The following SCGB2B2 variants were observed in gnomAD, a reference collection of about 807,000 sequenced individuals.
SCGB2B2 encodes the protein secretoglobin-like protein.
SCGB2B2 carries 11 observed loss-of-function variants against 7.6 expected under a neutral mutation model. That is an observed-to-expected ratio of 1.45 (90% CI 0.91 to 2.40). The LOEUF (loss-of-function observed/expected upper bound fraction) is 2.40, where lower values mean the gene tolerates loss of function less well. SCGB2B2 is among the 30% of genes most tolerant of loss of function. The pLI, the probability that SCGB2B2 is intolerant of heterozygous loss-of-function variation, is 0.00. For synonymous variants in SCGB2B2, 50 were observed against 48.6 expected, an observed-to-expected ratio of 1.03 and a Z score of -0.12; for missense variants, 104 against 115.4, an observed-to-expected ratio of 0.90 and a Z score of 0.45.
chr19:34,604,281 G>C (rs781019361), intron 1 of SCGB2B2, among the ~76,000 whole-genome samples: 1 of 152,182 alleles, frequency 6.6e-6, no homozygotes, highest in Non-Finnish European at 1.5e-5. Flanking sequence ...GGAGTTAATT[G>C]CTTCAATAGG....
intron 1 of SCGB2B2, among the ~76,000 whole-genome samples, chr19:34,653,199 G>C (rs1166108407): frequency 2.0e-5 from 3 of 151,184 alleles, no homozygotes; most frequent in Non-Finnish European, 4.4e-5. Flanking sequence ...ACTTGAGGCA[G>C]GAAGTAGTTG....
chr19:34,594,079 A>T (rs372706476), intron 3 of SCGB2B2, 96 bp downstream of exon 3: 1 of 1,036,824 alleles, frequency 9.6e-7, no homozygotes, highest in Non-Finnish European at 1.4e-6. Context: ...CTTCCTGCTT[A>T]AAACGTGGAA....
At chr19:34,665,170 C>T (rs2067580632) in intron 1 of SCGB2B2, among the ~76,000 whole-genome samples, 1 of 152,196 alleles carries the variant, frequency 6.6e-6, no homozygotes, top group South Asian at 2.1e-4. Flanking sequence ...GCCTTGCGTC[C>T]CTCCTGTGCC....
Position 34,676,623 on chromosome 19 carries a change from T to G in SCGB2B2, c.-3025A>C, listed in dbSNP as rs1047586050. On this transcript the variant is annotated 5_prime_UTR_variant, in exon 1 of 4. Transcript: ENST00000601241. ...TTTGCACTGTGCTCTCCCATGGATT[T>G]TTTCTTGCGTGAGCTCTAAGAACTC... 1 of 152,114 alleles carries G rather than the reference T, an allele frequency of 6.6e-6. No individual in the cohort carries two copies. The highest frequency in any genetic ancestry group is 1.5e-5 in the Non-Finnish European group (1 of 68,036). 9.4% of individuals were successfully genotyped at this position (152,114 alleles called of 1,614,324 possible).
intron 1 of SCGB2B2, among the ~76,000 whole-genome samples, chr19:34,618,276 C>A (rs1355112837): frequency 6.6e-6 from 1 of 152,198 alleles, no homozygotes; most frequent in Non-Finnish European, 1.5e-5. Flanking sequence ...AGAAATCTAT[C>A]CAATCTTAAC....
intron 1 of SCGB2B2, chr19:34,640,539 T>C (rs920761780): frequency 6.6e-6 from 1 of 152,250 alleles, no homozygotes; most frequent in African/African-American, 2.4e-5. Flanking sequence ...TTTCTTTAGA[T>C]ACTTTTATCA....
chr19:34,662,400 T>C (rs1260600570), intron 1 of SCGB2B2, among the ~76,000 whole-genome samples: 1 of 151,958 alleles, frequency 6.6e-6, no homozygotes, highest in East Asian at 1.9e-4. Context: ...TTACAAATCT[T>C]TATGTAGAAG....
In SCGB2B2 at chr19:34,591,812, T is replaced by A. The variant is rs1014877784; in HGVS notation, c.*1743A>T. Among the ~76,000 whole-genome samples, 12 of 152,198 alleles carry A rather than the reference T, an allele frequency of 7.9e-5. No individual in the cohort carries two copies. The highest frequency in any genetic ancestry group is 2.9e-4 in the African/African-American group (12 of 41,456). ...ATGCCTTCTGGGACCACCTGACCAA[T>A]GTGGCACCTCAAGCCAGTCCCGCCT... On this transcript the variant is annotated 3_prime_UTR_variant, in exon 4 of 4. Transcript: ENST00000601241.
At chr19:34,587,152 C>T (rs1165916167), downstream of SCGB2B2, among the ~76,000 whole-genome samples, 2 of 152,148 alleles carry the variant, frequency 1.3e-5, no homozygotes, top group Non-Finnish European at 2.9e-5. Context: ...AGATGATCCA[C>T]CTGCCTCGGC....
At chr19:34,629,917 A>G (rs764512553) in intron 1 of SCGB2B2, among the ~76,000 whole-genome samples, 3 of 152,044 alleles carry the variant, frequency 2.0e-5, no homozygotes, top group Non-Finnish European at 2.9e-5. Context: ...AAACAGAGAT[A>G]TAGACCAATG....
At chr19:34,650,905 A>G (rs1253806053) in intron 1 of SCGB2B2, among the ~76,000 whole-genome samples, 1 of 151,292 alleles carries the variant, frequency 6.6e-6, no homozygotes, top group African/African-American at 2.5e-5. Context: ...ATCATTCCCC[A>G]TGACCAAGTG....
At chr19:34,624,030 G>A (rs2066305631) in intron 1 of SCGB2B2, among the ~76,000 whole-genome samples, 1 of 152,168 alleles carries the variant, frequency 6.6e-6, no homozygotes, top group Non-Finnish European at 1.5e-5. Context: ...GGGAACTAGA[G>A]GTTTTGGGAA....
At chr19:34,605,583 T>G (rs1231806162) in intron 1 of SCGB2B2, among the ~76,000 whole-genome samples, 3 of 152,196 alleles carry the variant, frequency 2.0e-5, no homozygotes, top group African/African-American at 7.2e-5. Context: ...ATTTTATTTA[T>G]TCATTTATTT....
chr19:34,649,675 C>T (rs891236751), intron 1 of SCGB2B2, among the ~76,000 whole-genome samples: 1 of 151,916 alleles, frequency 6.6e-6, no homozygotes, highest in Non-Finnish European at 1.5e-5. Context: ...ATGGTGAAAC[C>T]CCGTCTCCAC....
chr19:34,657,006 T>C (rs1458986943), intron 1 of SCGB2B2, among the ~76,000 whole-genome samples: 1 of 151,180 alleles, frequency 6.6e-6, no homozygotes, highest in African/African-American at 2.5e-5. Context: ...AAAAAGCAAA[T>C]ATGCATTAGA....
intron 1 of SCGB2B2, among the ~76,000 whole-genome samples, chr19:34,659,426 C>G (rs572277523): frequency 6.6e-6 from 1 of 152,180 alleles, no homozygotes; most frequent in Non-Finnish European, 1.5e-5. Context: ...AGCTGATAAG[C>G]AACTTCAGCA....
chr19:34,671,812 T>C (rs2067810346), intron 1 of SCGB2B2, among the ~76,000 whole-genome samples: 1 of 152,232 alleles, frequency 6.6e-6, no homozygotes, highest in African/African-American at 2.4e-5. Context: ...ATTTACCCTG[T>C]AAATTTTATA....
chr19:34,662,567 A>C, intron 1 of SCGB2B2, among the ~76,000 whole-genome samples: 1 of 152,276 alleles, frequency 6.6e-6, no homozygotes, highest in East Asian at 1.9e-4. Context: ...AAATTTAATT[A>C]TATTAAACTT....
intron 1 of SCGB2B2, among the ~76,000 whole-genome samples, chr19:34,633,631 G>C (rs988801117): frequency 6.6e-6 from 1 of 152,146 alleles, no homozygotes. Context: ...GAGGGAAAGA[G>C]GGATTTTAAA....
Sources: gnomAD v4.1 joint callset for allele counts (sites outside exome capture counted in the v4.1 genomes callset) on GRCh38, gnomAD v4.1.1 for gene constraint, MANE v1.5 for transcripts, NCBI Gene and HGNC (gene_info 2026-07-23, HGNC 2026-07-21) for gene names.